ARHGEF3: variants seen among roughly 807,000 people sequenced by gnomAD.
ARHGEF3 encodes the protein 59.8 kDA protein.
In ARHGEF3, 28 loss-of-function variants were observed where a neutral mutation model predicts 63.2. The observed-to-expected ratio is 0.44, with a 90% CI of 0.33 to 0.61. ARHGEF3 has a LOEUF of 0.61. Among genes scored for constraint, ARHGEF3 ranks in the 20% least tolerant of loss-of-function variants. The probability of loss-of-function intolerance (pLI) is 0.03; values close to 1 mark genes in which losing one functional copy is unlikely to be tolerated. For synonymous variants in ARHGEF3, 266 were observed against 254.2 expected, an observed-to-expected ratio of 1.05 and a Z score of -0.44; for missense variants, 533 against 659.3, an observed-to-expected ratio of 0.81 and a Z score of 2.10.
At chr3:56,920,595 T>C (rs2042100007) in intron 3 of ARHGEF3, among the ~76,000 whole-genome samples, 3 of 152,354 alleles carry the variant, frequency 2.0e-5, no homozygotes, top group Non-Finnish European at 4.4e-5. Context: ...CATTTGAACT[T>C]TATCCTGGTT....
chr3:57,037,212 G>C (rs897857740), intron 1 of ARHGEF3, among the ~76,000 whole-genome samples: 12 of 152,164 alleles, frequency 7.9e-5, no homozygotes, highest in Non-Finnish European at 1.5e-4. Context: ...AGATGGAAGG[G>C]TGGTGGGACT....
chr3:56,998,592 G>A (rs908969163), intron 2 of ARHGEF3, among the ~76,000 whole-genome samples: 3 of 152,002 alleles, frequency 2.0e-5, no homozygotes, highest in African/African-American at 7.3e-5. Context: ...CCCTCAGCCC[G>A]AGCCCTCCTG....
intron 1 of ARHGEF3, among the ~76,000 whole-genome samples, chr3:57,077,115 C>G (rs1194028228): frequency 6.6e-6 from 1 of 152,186 alleles, no homozygotes; most frequent in Non-Finnish European, 1.5e-5. Flanking sequence ...CCTGAGAAGT[C>G]TTCTGAAAAC....
At chr3:56,793,744 A>G (rs2037210095) in intron 1 of ARHGEF3, among the ~76,000 whole-genome samples, 1 of 152,214 alleles carries the variant, frequency 6.6e-6, no homozygotes, top group Non-Finnish European at 1.5e-5. Flanking sequence ...ACTACCTTCT[A>G]GTATCTTTGG....
intron 2 of ARHGEF3, among the ~76,000 whole-genome samples, chr3:56,767,583 C>CAAAAAAAAAAAAAA (rs541314948): frequency 1.3e-5 from 1 of 77,468 alleles, no homozygotes; most frequent in Non-Finnish European, 2.3e-5. Context: ...GACTCCGTCT[C>CAAAAAAAAAAAAAA]AAAAAAAAAA....
At chr3:57,027,970 T>C (rs1287087249) in intron 2 of ARHGEF3, among the ~76,000 whole-genome samples, 1 of 152,070 alleles carries the variant, frequency 6.6e-6, no homozygotes, top group African/African-American at 2.4e-5. Flanking sequence ...ATCAGAGAAA[T>C]GCAAATCAAA....
intron 4 of ARHGEF3, among the ~76,000 whole-genome samples, chr3:56,828,155 C>G (rs1210086518): frequency 6.6e-6 from 1 of 152,026 alleles, no homozygotes; most frequent in Non-Finnish European, 1.5e-5. Flanking sequence ...GAAACTGAGA[C>G]TCAGAAGGGT....
At chr3:57,006,329 C>G (rs1298254892) in intron 2 of ARHGEF3, among the ~76,000 whole-genome samples, 4 of 152,122 alleles carry the variant, frequency 2.6e-5, no homozygotes, top group African/African-American at 4.8e-5. Flanking sequence ...TCTGGAGAAC[C>G]ACTACACCGA....
intron 2 of ARHGEF3, among the ~76,000 whole-genome samples, chr3:56,970,963 A>C (rs528494500): frequency 1.3e-5 from 2 of 152,206 alleles, no homozygotes; most frequent in Non-Finnish European, 1.5e-5. Context: ...TGAGGAGTAG[A>C]GGAGTTAATA....
intron 1 of ARHGEF3, among the ~76,000 whole-genome samples, chr3:56,780,365 A>T (rs552353839): frequency 2.0e-5 from 3 of 152,258 alleles, no homozygotes; most frequent in Non-Finnish European, 4.4e-5. Flanking sequence ...ATAATCTTAG[A>T]TTTACAGAAG....
At chr3:56,997,537 C>G (rs1319654979) in intron 2 of ARHGEF3, among the ~76,000 whole-genome samples, 1 of 152,156 alleles carries the variant, frequency 6.6e-6, no homozygotes, top group Admixed American at 6.5e-5. Flanking sequence ...AAGGCCTGGG[C>G]AAAAGTGGGG....
chr3:57,026,730 G>A (rs1703491596), intron 2 of ARHGEF3, among the ~76,000 whole-genome samples: 1 of 152,214 alleles, frequency 6.6e-6, no homozygotes, highest in Non-Finnish European at 1.5e-5. Context: ...TGCCTGTTGT[G>A]CTACATGGTG....
intron 4 of ARHGEF3, among the ~76,000 whole-genome samples, chr3:56,818,533 T>A (rs551844823): frequency 6.6e-6 from 1 of 152,318 alleles, no homozygotes; most frequent in Non-Finnish European, 1.5e-5. Flanking sequence ...AAAAAAGACC[T>A]GGATCAAACT....
chr3:56,824,024 C>G (rs1331149266), intron 4 of ARHGEF3, among the ~76,000 whole-genome samples: 1 of 148,676 alleles, frequency 6.7e-6, no homozygotes, highest in Non-Finnish European at 1.5e-5. Context: ...GCCAGATGGA[C>G]GAGAAGGCTG....
intron 2 of ARHGEF3, among the ~76,000 whole-genome samples, chr3:56,756,895 A>C (rs1313492150): frequency 6.6e-6 from 1 of 151,922 alleles, no homozygotes; most frequent in African/African-American, 2.4e-5. Context: ...CTCAAACAGC[A>C]CCTCCTCTAA....
intron 3 of ARHGEF3, among the ~76,000 whole-genome samples, chr3:56,914,723 C>T (rs1043550401): frequency 2.6e-4 from 39 of 152,076 alleles, no homozygotes; most frequent in African/African-American, 8.7e-4. Flanking sequence ...GGACATTATG[C>T]AAAGTGAAAT....
chr3:56,989,415 C>T (rs191200938), intron 2 of ARHGEF3, among the ~76,000 whole-genome samples: 113 of 152,198 alleles, frequency 7.4e-4, no homozygotes, highest in African/African-American at 2.5e-3. Context: ...CAGCAGTGCC[C>T]CATTTCCATT....
chr3:56,729,677 C>A, intron 9 of ARHGEF3, 55 bp from the exon 10 acceptor site: 1 of 1,420,100 alleles, frequency 7.0e-7, no homozygotes. Flanking sequence ...CTTCCTCAGG[C>A]CAAAGAGAAC....
chr3:56,856,987 CA>C (rs1463615275), intron 4 of ARHGEF3, among the ~76,000 whole-genome samples: 2 of 151,932 alleles, frequency 1.3e-5, no homozygotes, highest in Non-Finnish European at 1.5e-5. Context: ...TATAAGCATC[CA>C]AGTCTGCAGC....
Sources: allele counts gnomAD v4.1 joint callset (sites outside exome capture counted in the v4.1 genomes callset), GRCh38; gene constraint gnomAD v4.1.1; transcripts MANE v1.5; gene names NCBI Gene and HGNC (gene_info 2026-07-23, HGNC 2026-07-21).